The following CNTN1 variants were observed in gnomAD, a reference collection of about 807,000 sequenced individuals.
CNTN1 encodes contactin 1.
A neutral mutation model predicts 126.4 loss-of-function variants in CNTN1; 38 were observed. That is an observed-to-expected ratio of 0.30 (90% CI 0.23 to 0.39). The LOEUF is 0.39. CNTN1 is among the 10% of genes least tolerant of loss of function. The pLI, the probability that CNTN1 is intolerant of heterozygous loss-of-function variation, is 1.00. For missense variants in CNTN1, 1,009 were observed against 1,248.4 expected, an observed-to-expected ratio of 0.81 and a Z score of 2.89; for synonymous variants, 413 against 422.6, an observed-to-expected ratio of 0.98 and a Z score of 0.28.
intron 1 of CNTN1, among the ~76,000 whole-genome samples, chr12:40,860,674 T>C (rs1291079860): frequency 1.3e-5 from 2 of 152,148 alleles, no homozygotes; most frequent in Non-Finnish European, 2.9e-5. Flanking sequence ...AGGGCAAGTA[T>C]GGGACAAGGG....
At chr12:40,820,770 C>A (rs1352981943) in intron 1 of CNTN1, among the ~76,000 whole-genome samples, 1 of 152,166 alleles carries the variant, frequency 6.6e-6, no homozygotes, top group African/African-American at 2.4e-5. Flanking sequence ...TGATGCATGG[C>A]TAATACTGAT....
intron 1 of CNTN1, among the ~76,000 whole-genome samples, chr12:40,878,852 T>C (rs946841010): frequency 3.9e-5 from 6 of 152,180 alleles, no homozygotes; most frequent in African/African-American, 1.4e-4. Flanking sequence ...GAAAAAACAC[T>C]TATTTCCAAA....
At chr12:40,823,211 T>C (rs1941506743) in intron 1 of CNTN1, among the ~76,000 whole-genome samples, 1 of 152,146 alleles carries the variant, frequency 6.6e-6, no homozygotes, top group Non-Finnish European at 1.5e-5. Context: ...AAATACTTTT[T>C]ATATAACAGG....
chr12:40,707,227 CTTTTTTTTTTTT>C (rs370984371), intron 1 of CNTN1, among the ~76,000 whole-genome samples: 3 of 109,166 alleles, frequency 2.7e-5, no homozygotes, highest in South Asian at 2.8e-4. Context: ...TTTTCTTTTT[CTTTTTTTTTTTT>C]TTTTTTTTTT....
intron 4 of CNTN1, among the ~76,000 whole-genome samples, chr12:40,921,476 G>T (rs1945440824): frequency 6.6e-6 from 1 of 152,174 alleles, no homozygotes; most frequent in African/African-American, 2.4e-5. Flanking sequence ...CAGAAAGTTA[G>T]ATCCCTGTTT....
chr12:40,821,005 C>T (rs1405532708), intron 1 of CNTN1, among the ~76,000 whole-genome samples: 2 of 152,062 alleles, frequency 1.3e-5, no homozygotes, highest in Non-Finnish European at 2.9e-5. Context: ...GACGTCACTC[C>T]ACATTAAATC....
At chr12:40,894,623 C>A (rs1292932052) in intron 1 of CNTN1, among the ~76,000 whole-genome samples, 3 of 152,086 alleles carry the variant, frequency 2.0e-5, no homozygotes, top group Non-Finnish European at 4.4e-5. Context: ...CATCTAGAGA[C>A]CCATTTTTTC....
intron 1 of CNTN1, among the ~76,000 whole-genome samples, chr12:40,854,066 C>G: frequency 6.7e-6 from 1 of 149,582 alleles, no homozygotes; most frequent in East Asian, 1.9e-4. Context: ...ATTAAATATT[C>G]TTTAACTCAT....
At chr12:40,972,649 A>G (rs939037855) in intron 15 of CNTN1, 5 of 952,054 alleles carry the variant, frequency 5.3e-6, no homozygotes, top group Non-Finnish European at 6.3e-6. Flanking sequence ...TCCTTCTTTT[A>G]TATTTTCTAG....
intron 1 of CNTN1, among the ~76,000 whole-genome samples, chr12:40,830,759 A>C (rs1941783609): frequency 7.1e-6 from 1 of 140,126 alleles, no homozygotes; most frequent in Admixed American, 7.3e-5. Flanking sequence ...AAATCTCTCT[A>C]TATATATTGA....
At chr12:40,912,816 C>T (rs1945090064) in intron 3 of CNTN1, among the ~76,000 whole-genome samples, 1 of 152,134 alleles carries the variant, frequency 6.6e-6, no homozygotes, top group African/African-American at 2.4e-5. Context: ...TTATAGCAGT[C>T]AGTGACCTGT....
chr12:40,780,644 A>G (rs1235519052), intron 1 of CNTN1, among the ~76,000 whole-genome samples: 1 of 147,036 alleles, frequency 6.8e-6, no homozygotes, highest in Non-Finnish European at 1.5e-5. Context: ...TGAGGACAGG[A>G]GTTTGAGGCC....
At position 40,770,833 on chromosome 12, in the gene CNTN1, T is replaced by C. The variant is rs1254348829; in HGVS notation, c.-77+78241T>C. On this transcript the variant is annotated intron_variant, in intron 1 of 23. Transcript: ENST00000551295. ...GTTACGTGAACTTTATTGGATAGTC[T>C]AAAGCACATGGTATATGCAAAATAA... 2.0e-5 allele frequency among the ~76,000 whole-genome samples: 3 copies of C among 152,112 alleles called. No homozygotes were observed. In the South Asian group the frequency reaches 6.2e-4, roughly 31 times the overall value.
chr12:40,959,451 C>A (rs955165490), intron 15 of CNTN1, among the ~76,000 whole-genome samples: 2 of 152,032 alleles, frequency 1.3e-5, no homozygotes, highest in Non-Finnish European at 2.9e-5. Context: ...AACTACGTAT[C>A]TTCTAGAAAG....
At chr12:40,943,301 G>A (rs1306976183) in intron 12 of CNTN1, among the ~76,000 whole-genome samples, 3 of 152,024 alleles carry the variant, frequency 2.0e-5, no homozygotes, top group Non-Finnish European at 2.9e-5. Flanking sequence ...GGAGACCGGG[G>A]CTCATTTCTT....
intron 1 of CNTN1, among the ~76,000 whole-genome samples, chr12:40,781,729 A>G (rs1279275728): frequency 6.6e-6 from 1 of 152,002 alleles, no homozygotes; most frequent in Non-Finnish European, 1.5e-5. Context: ...AATATAGCAG[A>G]ATAAAAGGCC....
chr12:40,922,187 C>T (rs1406034884), intron 4 of CNTN1, 69 bp from the exon 5 acceptor site: 78 of 1,347,430 alleles, frequency 5.8e-5, no homozygotes, highest in Non-Finnish European at 1.3e-5. Context: ...TATTTTAGAA[C>T]TGTGTTAGCT....
chr12:40,864,908 A>G (rs1565852790), intron 1 of CNTN1, among the ~76,000 whole-genome samples: 1 of 152,140 alleles, frequency 6.6e-6, no homozygotes, highest in Non-Finnish European at 1.5e-5. Flanking sequence ...AGGCAAAGTT[A>G]CCACCAAACT....
At chr12:41,007,515 T>G (rs1566131021) in intron 17 of CNTN1, among the ~76,000 whole-genome samples, 1 of 152,106 alleles carries the variant, frequency 6.6e-6, no homozygotes. Flanking sequence ...AGAGGTTTAA[T>G]AGGCAGAAGA....
Sources: gnomAD v4.1 joint callset for allele counts (sites outside exome capture counted in the v4.1 genomes callset) on GRCh38, gnomAD v4.1.1 for gene constraint, MANE v1.5 for transcripts, NCBI Gene and HGNC (gene_info 2026-07-23, HGNC 2026-07-21) for gene names.